ATP6V0A4: variants seen among roughly 807,000 people sequenced by gnomAD.
ATP6V0A4 encodes ATPase H+ transporting V0 subunit a4, also known as V-type proton ATPase 116 kDa subunit a 4.
ATP6V0A4 carries 86 observed loss-of-function variants against 107.3 expected under a neutral mutation model. The observed-to-expected ratio is 0.80, with a 90% CI of 0.67 to 0.96. The LOEUF (loss-of-function observed/expected upper bound fraction) is 0.96. ATP6V0A4 is among the 40% of genes least tolerant of loss of function. The pLI, the probability that ATP6V0A4 is intolerant of heterozygous loss-of-function variation, is 0.00. For missense variants in ATP6V0A4, 908 were observed against 1,045.6 expected, an observed-to-expected ratio of 0.87 and a Z score of 1.81; for synonymous variants, 353 against 381.4, an observed-to-expected ratio of 0.93 and a Z score of 0.87.
At chr7:138,708,409 C>T (rs930999837) in intron 21 of ATP6V0A4, among the ~76,000 whole-genome samples, 3 of 152,110 alleles carry the variant, frequency 2.0e-5, no homozygotes, top group East Asian at 1.9e-4. Flanking sequence ...AGGGGAATGA[C>T]GTCATCATGG....
At chr7:138,767,924 T>A (rs1211408811) in intron 5 of ATP6V0A4, among the ~76,000 whole-genome samples, 1 of 152,044 alleles carries the variant, frequency 6.6e-6, no homozygotes, top group Non-Finnish European at 1.5e-5. Context: ...ATTCAGTGGT[T>A]TTTTTGTTTG....
At chr7:138,763,102 G>A (rs377072169) in intron 5 of ATP6V0A4, 77 bp from the exon 6 acceptor site, 2 of 1,577,876 alleles carry the variant, frequency 1.3e-6, no homozygotes, top group South Asian at 2.3e-5. Flanking sequence ...CACAACAGAT[G>A]ACTAAAAAAA....
At chr7:138,727,203 C>T (rs993999634) in intron 18 of ATP6V0A4, among the ~76,000 whole-genome samples, 2 of 151,630 alleles carry the variant, frequency 1.3e-5, no homozygotes. Context: ...GGCTTGAGCC[C>T]GGGAGTCGGA....
intron 1 of ATP6V0A4, among the ~76,000 whole-genome samples, chr7:138,793,364 T>C (rs533470178): frequency 2.6e-5 from 4 of 152,304 alleles, no homozygotes; most frequent in Non-Finnish European, 4.4e-5. Context: ...GCCAGGAAGT[T>C]GTCAAAATTC....
At chr7:138,783,333 G>A (rs1353203294) in intron 2 of ATP6V0A4, among the ~76,000 whole-genome samples, 1 of 152,036 alleles carries the variant, frequency 6.6e-6, no homozygotes, top group East Asian at 1.9e-4. Flanking sequence ...CACTATGGGG[G>A]ACCGAGGTGG....
chr7:138,713,530 A>G (rs944206107), intron 20 of ATP6V0A4, among the ~76,000 whole-genome samples: 1 of 152,220 alleles, frequency 6.6e-6, no homozygotes, highest in Middle Eastern at 3.4e-3. Context: ...AGGAATGCTA[A>G]GATAAAAGTC....
chr7:138,712,152 G>A (rs1330540740), intron 20 of ATP6V0A4, among the ~76,000 whole-genome samples: 2 of 152,108 alleles, frequency 1.3e-5, no homozygotes, highest in Middle Eastern at 3.2e-3. Context: ...GGCTGGTCTC[G>A]AACTCCTGAC....
At chr7:138,797,161 T>A (rs943192132) in intron 1 of ATP6V0A4, among the ~76,000 whole-genome samples, 11 of 149,532 alleles carry the variant, frequency 7.4e-5, no homozygotes, top group Non-Finnish European at 1.5e-4. Context: ...CCTCTCCCCC[T>A]GTCAAAATTC....
rs779232222 is a variant in ATP6V0A4, at chr7:138,709,709, AAAT to A, written c.2341_2343del (p.Ile781del). 2.7e-5 allele frequency: 43 copies of A among 1,613,790 alleles called. No homozygotes were observed. Among genetic ancestry groups the A allele is most frequent in the Non-Finnish European group, 2.4e-5 (28 of 1,179,972 alleles). ...ACTGTCAGGACAGCAAATACGGCAA[AAAT>A]AATAAAAACCCCGACGATTCCTCCC... On this transcript the variant is annotated inframe_deletion, in exon 21 of 22. Coordinates refer to ENST00000310018, the MANE Select transcript of ATP6V0A4 (RefSeq NM_020632.3).
chr7:138,759,825 A>T lies in ATP6V0A4; in HGVS notation c.566T>A (p.Leu189Gln). Residue 189 changes from leucine to glutamine, a missense_variant, in exon 8 of 22, where the codon CTG (leucine) becomes CAG (glutamine). By Grantham distance (113) the Leu-to-Gln change is moderately radical (BLOSUM62 -2). Coordinates refer to ENST00000310018, the MANE Select transcript of ATP6V0A4 (RefSeq NM_020632.3). ...RERMASFERL[L>Q]WRICRGNVYL... Reference sequence around the variant, plus strand: ...CACGTTTCCTCGGCAGATTCGCCACAGTAACCGCTCAAAGGAAGCCATCCT... The same window carrying T: ...CACGTTTCCTCGGCAGATTCGCCACTGTAACCGCTCAAAGGAAGCCATCCT... The T allele has an allele frequency of 1.2e-6, 2 of 1,614,174 alleles. No individual in the cohort carries two copies. Among genetic ancestry groups the T allele is most frequent in the Non-Finnish European group, 1.7e-6 (2 of 1,180,032 alleles).
chr7:138,710,182 C>T (rs1404044766), intron 20 of ATP6V0A4, among the ~76,000 whole-genome samples: 3 of 142,806 alleles, frequency 2.1e-5, no homozygotes, highest in African/African-American at 7.8e-5. Flanking sequence ...TGTGCCGCCA[C>T]TGTCTGTTAA....
intron 6 of ATP6V0A4, 35 bp downstream of exon 6, chr7:138,762,865 A>G (rs1242225678): frequency 6.4e-7 from 1 of 1,559,836 alleles, no homozygotes; most frequent in African/African-American, 1.4e-5. Flanking sequence ...GTTCTGAGGA[A>G]CGGGCCCTTT....
In ATP6V0A4 at chr7:138,744,386, T is replaced by A. The variant is rs769930488; in HGVS notation, c.1478+737A>T. On this transcript the variant is annotated intron_variant, in intron 14 of 21. Transcript: ENST00000310018. ...CTTAGTAGCTGGGATTACAGGCATG[T>A]GCCACCATGCCCAGCTAATTTTTGT... 5.0e-4 allele frequency among the ~76,000 whole-genome samples: 76 copies of A among 151,920 alleles called. No homozygotes were observed. The Middle Eastern group carries it at 0.02, about 41-fold the overall frequency.
In ATP6V0A4 at chr7:138,734,168, A is replaced by T. The variant is rs1202266004; in HGVS notation, c.1659T>A (p.Val553=). Residue 553 remains valine (V), a synonymous_variant, in exon 16 of 22, where the codon GTT becomes GTA. Coordinates refer to ENST00000310018, the MANE Select transcript of ATP6V0A4 (RefSeq NM_020632.3). ...MSVILGIVQM[V]FGVILSLFNH... is the part of the protein sequence containing the mutation. ...TGAAAAGGCTGAGGATGACACCGAA[A>T]ACCATCTGGACAATTCCCAGGATCA... is the stretch of plus-strand genomic sequence containing the variant. 6.2e-7 allele frequency: 1 copy of T among 1,613,608 alleles called. No individual in the cohort carries two copies. Among genetic ancestry groups the T allele is most frequent in the Non-Finnish European group, 8.5e-7 (1 of 1,179,728 alleles).
At chr7:138,738,355 G>A (rs1259945308) in intron 15 of ATP6V0A4, among the ~76,000 whole-genome samples, 1 of 152,134 alleles carries the variant, frequency 6.6e-6, no homozygotes, top group Non-Finnish European at 1.5e-5. Context: ...TGGACAGGCA[G>A]GATTTGCTGA....
At chr7:138,776,251 A>G (rs1372800498) in intron 2 of ATP6V0A4, among the ~76,000 whole-genome samples, 1 of 152,222 alleles carries the variant, frequency 6.6e-6, no homozygotes, top group Admixed American at 6.5e-5. Context: ...GTTTGGGAAA[A>G]TCAGCTAAGC....
intron 20 of ATP6V0A4, among the ~76,000 whole-genome samples, chr7:138,714,730 A>G (rs1282948105): frequency 2.0e-5 from 3 of 152,204 alleles, no homozygotes; most frequent in Non-Finnish European, 2.9e-5. Flanking sequence ...GCTCATAACC[A>G]AGGCAGGCGT....
chr7:138,792,879 T>G (rs543152861), intron 1 of ATP6V0A4, among the ~76,000 whole-genome samples: 200 of 151,596 alleles, frequency 1.3e-3, no homozygotes, highest in Non-Finnish European at 2.6e-3. Context: ...GAACAGGGTT[T>G]TAGAAAAGTT....
chr7:138,747,521 C>T lies in ATP6V0A4; in HGVS notation c.1224G>A (p.Met408Ile), dbSNP rs751514919. ...CGGTTCCATGACCACAGTCTCCAAA[C>T]ATCACAGCGAACAGGAAGGGGAAAG... The part of the protein sequence containing the change: ...IITFPFLFAV[M>I]FGDCGHGTVM... Residue 408 changes from methionine to isoleucine, a missense_variant, in exon 13 of 22, where the codon ATG becomes ATA. Met to Ile is a conservative substitution (Grantham distance 10). Transcript: ENST00000310018. 9.9e-6 allele frequency: 16 copies of T among 1,614,018 alleles called. No homozygotes were observed. Among genetic ancestry groups the T allele is most frequent in the Non-Finnish European group, 1.3e-5 (15 of 1,180,036 alleles).
Sources: allele counts gnomAD v4.1 joint callset (sites outside exome capture counted in the v4.1 genomes callset), GRCh38; gene constraint gnomAD v4.1.1; transcripts MANE v1.5; gene names NCBI Gene and HGNC (gene_info 2026-07-23, HGNC 2026-07-21).